The following PCNA variants were observed in gnomAD, a reference collection of about 807,000 sequenced individuals.
The protein encoded by PCNA is DNA sliding clamp PCNA.
In PCNA, 4 loss-of-function variants were observed where a neutral mutation model predicts 27.8. That is an observed-to-expected ratio of 0.14 (90% CI 0.07 to 0.33). The LOEUF is 0.33. Ranked by LOEUF, PCNA falls within the 10% of genes least tolerant of loss-of-function variation. The probability of loss-of-function intolerance (pLI) is 1.00; values close to 1 mark genes in which losing one functional copy is unlikely to be tolerated. For missense variants in PCNA, 165 were observed against 327.4 expected, an observed-to-expected ratio of 0.50 and a Z score of 3.83; for synonymous variants, 121 against 119.4, an observed-to-expected ratio of 1.01 and a Z score of -0.09.
At chr20:5,123,969 A>T (rs971242445), upstream of PCNA, among the ~76,000 whole-genome samples, 1 of 152,242 alleles carries the variant, frequency 6.6e-6, no homozygotes, top group African/African-American at 2.4e-5. Flanking sequence ...TAAGAGAAAT[A>T]GAAAATTTAT....
At chr20:5,118,572 G>C (rs778089296) in intron 3 of PCNA, 38 bp downstream of exon 3, 1 of 1,360,746 alleles carries the variant, frequency 7.3e-7, no homozygotes, top group Admixed American at 1.7e-5. Flanking sequence ...TATCGTGCCT[G>C]TGTACAGCAC....
intron 1 of PCNA, among the ~76,000 whole-genome samples, chr20:5,119,124 C>G (rs73602866): frequency 5.9e-5 from 9 of 152,154 alleles, no homozygotes; most frequent in African/African-American, 2.2e-4. Context: ...TGACAGGCTG[C>G]CACATTTCTC....
intron 1 of PCNA, 90 bp from the exon 2 acceptor site, chr20:5,118,956 C>T (rs2090495692): frequency 2.5e-6 from 2 of 803,746 alleles, no homozygotes; most frequent in South Asian, 3.1e-5. Flanking sequence ...ACCACTCTCA[C>T]CCATCAGGCC....
chr20:5,118,349 C>A (rs991348459), intron 3 of PCNA, among the ~76,000 whole-genome samples: 4 of 152,142 alleles, frequency 2.6e-5, no homozygotes, highest in Admixed American at 1.3e-4. Context: ...GGCAAGACTG[C>A]CCCCACGCCC....
upstream of PCNA, among the ~76,000 whole-genome samples, chr20:5,123,546 T>C (rs1162517364): frequency 6.6e-6 from 1 of 151,776 alleles, no homozygotes; most frequent in Non-Finnish European, 1.5e-5. Flanking sequence ...AATACAAAAA[T>C]TAGCTGGGCG....
At chr20:5,123,599 G>A (rs368179683), upstream of PCNA, among the ~76,000 whole-genome samples, 23 of 151,536 alleles carry the variant, frequency 1.5e-4, no homozygotes, top group African/African-American at 4.9e-4. Flanking sequence ...GGAGGCTGAC[G>A]CAGGAGAATT....
chr20:5,126,348 A>C (rs2090548361), intron 1 of PCNA, among the ~76,000 whole-genome samples: 1 of 152,266 alleles, frequency 6.6e-6, no homozygotes, highest in African/African-American at 2.4e-5. Context: ...CCTAGTATAC[A>C]ATTAGTGCTT....
chr20:5,119,166 C>G (rs935552843), intron 1 of PCNA, among the ~76,000 whole-genome samples: 1 of 152,030 alleles, frequency 6.6e-6, no homozygotes, highest in South Asian at 2.1e-4. Flanking sequence ...TAAAGTCAAC[C>G]GCGACTGAGC....
At position 5,115,585 on chromosome 20, in the gene PCNA, A is replaced by AGATT. The variant is rs1168053842; in HGVS notation, c.583-17_583-14dup. 1.2e-6 allele frequency: 2 copies of AGATT among 1,608,756 alleles called. No individual in the cohort carries two copies. The highest frequency in any genetic ancestry group is 2.7e-5 in the African/African-American group (2 of 74,662). On this transcript the variant is annotated splice_polypyrimidine_tract_variant and intron_variant, in intron 4 of 5. Coordinates refer to ENST00000379143, the MANE Select transcript of PCNA (RefSeq NM_182649.2). ...TCTCTATGGTAACCTACAAAACAAAAGATTCATCATTGAAAAACATCAAGA... is the reference window on the plus strand; with the variant it reads ...TCTCTATGGTAACCTACAAAACAAAAGATTGATTCATCATTGAAAAACATCAAGA...
At position 5,119,781 on chromosome 20, in the gene PCNA, C is replaced by A. The variant is rs1386361926; in HGVS notation, c.18G>T (p.Leu6=). ...CCTTCTTGAGGATGGAGCCCTGGACCAGGCGCGCCTCGAACATGGTGGCGG... is the reference window on the plus strand; with the variant it reads ...CCTTCTTGAGGATGGAGCCCTGGACAAGGCGCGCCTCGAACATGGTGGCGG... The part of the protein sequence containing the change: MFEAR[L]VQGSILKKVL... The change falls in exon 1 of 6, where the codon CTG becomes CTT. Residue 6 remains leucine (L), a synonymous_variant. Transcript: ENST00000379143. 1.3e-6 allele frequency: 2 copies of A among 1,571,758 alleles called. No homozygotes were observed. The highest frequency in any genetic ancestry group is 1.7e-6 in the Non-Finnish European group (2 of 1,158,620).
rs1431165844 is a variant in PCNA, at chr20:5,118,601, G to T, written c.387+9C>A. ...ACAGCACTCTCTACAATGAGAAACT[G>T]ATACTCACTGGAATTCCAAGTTGTT... On this transcript the variant is annotated intron_variant, in intron 3 of 5. Transcript: ENST00000379143. 7 of 1,579,752 alleles carry T rather than the reference G, an allele frequency of 4.4e-6. No homozygotes were observed. The highest frequency in any genetic ancestry group is 1.7e-5 in the Admixed American group (1 of 59,900).
chr20:5,117,316 ACACTTATAAAT>A (rs1445957121), intron 4 of PCNA, among the ~76,000 whole-genome samples, 143 bp downstream of exon 4: 1 of 152,246 alleles, frequency 6.6e-6, no homozygotes, highest in Non-Finnish European at 1.5e-5. Context: ...AAATTGGATG[ACACTTATAAAT>A]CATTCGCAGA....
upstream of PCNA, chr20:5,121,288 C>T (rs1224262794): frequency 1.3e-5 from 2 of 151,628 alleles, no homozygotes; most frequent in Non-Finnish European, 2.9e-5. Flanking sequence ...GTTGAGGGAA[C>T]TGAAGATTCA....
chr20:5,118,898 A>T (rs757516355), intron 1 of PCNA, 32 bp from the exon 2 acceptor site: 1 of 1,465,132 alleles, frequency 6.8e-7, no homozygotes. Context: ...CTTTAAAATC[A>T]ACGCCGTCTG....
chr20:5,122,168 G>C (rs1050491850), upstream of PCNA, among the ~76,000 whole-genome samples: 1 of 152,002 alleles, frequency 6.6e-6, no homozygotes, highest in African/African-American at 2.4e-5. Context: ...TTTTAGTAGA[G>C]ACGGGGTTTT....
At chr20:5,117,420 G>A in intron 4 of PCNA, 50 bp downstream of exon 4, 2 of 1,257,028 alleles carry the variant, frequency 1.6e-6, no homozygotes, top group Non-Finnish European at 2.3e-6. Context: ...CTAATAAGCA[G>A]TATTATAATT....
At position 5,118,833 on chromosome 20, in the gene PCNA, T is replaced by G; in HGVS notation, c.255A>C (p.Glu85Asp). 1 of 1,612,962 alleles carries G rather than the reference T, an allele frequency of 6.2e-7. No homozygotes were observed. Among genetic ancestry groups the G allele is most frequent in the Non-Finnish European group, 8.5e-7 (1 of 1,178,970 alleles). ...MSKILKCAGN[E>D]DIITLRAEDN... is the part of the protein sequence containing the mutation. ...CTTCGGCCCTTAGTGTAATGATATC[T>G]TCATTGCCGGCGCATTTTAGTATTT... The change falls in exon 2 of 6, where the codon GAA (glutamate) becomes GAC (aspartate). Residue 85 changes from glutamate to aspartate, a missense_variant. Coordinates refer to ENST00000379143, the MANE Select transcript of PCNA (RefSeq NM_182649.2).
intron 1 of PCNA, among the ~76,000 whole-genome samples, chr20:5,125,008 G>T (rs1272602156): frequency 1.3e-5 from 2 of 152,178 alleles, no homozygotes; most frequent in African/African-American, 4.8e-5. Context: ...TGCCCCTGAA[G>T]GTGAAGTTCT....
upstream of PCNA, among the ~76,000 whole-genome samples, chr20:5,122,907 T>C (rs1600452358): frequency 6.6e-6 from 1 of 152,308 alleles, no homozygotes; most frequent in Non-Finnish European, 1.5e-5. Context: ...AGAAGTGATG[T>C]CCTCCTAAAA....
Sources: gnomAD v4.1 joint callset for allele counts (sites outside exome capture counted in the v4.1 genomes callset) on GRCh38, gnomAD v4.1.1 for gene constraint, MANE v1.5 for transcripts, NCBI Gene and HGNC (gene_info 2026-07-23, HGNC 2026-07-21) for gene names.